Variants in FBXL17 observed in about 807,000 individuals in gnomAD.
FBXL17 encodes the protein F-box/LRR-repeat protein 17.
FBXL17 carries 22 observed loss-of-function variants against 66.2 expected under a neutral mutation model. That is an observed-to-expected ratio of 0.33 (90% CI 0.24 to 0.47). The LOEUF is 0.47. Ranked by LOEUF, FBXL17 falls within the 20% of genes least tolerant of loss-of-function variation. The pLI, the probability that FBXL17 is intolerant of heterozygous loss-of-function variation, is 1.00. For synonymous variants in FBXL17, 474 were observed against 400.5 expected (o/e 1.18, Z -2.19); for missense variants, 878 against 948.2 (o/e 0.93, Z 0.97).
chr5:108,205,871 G>A (rs1057043147), intron 5 of FBXL17, among the ~76,000 whole-genome samples: 3 of 151,966 alleles, frequency 2.0e-5, no homozygotes, highest in Non-Finnish European at 4.4e-5. Context: ...CGAGTAGATG[G>A]GATTACAGTC....
chr5:108,043,461 C>A (rs1747128524), intron 6 of FBXL17, among the ~76,000 whole-genome samples: 1 of 152,086 alleles, frequency 6.6e-6, no homozygotes, highest in African/African-American at 2.4e-5. Flanking sequence ...TCCAATTTTT[C>A]CAGCACCATT....
chr5:108,254,962 G>A (rs750889004), intron 4 of FBXL17, among the ~76,000 whole-genome samples: 3 of 152,064 alleles, frequency 2.0e-5, no homozygotes, highest in South Asian at 2.1e-4. Flanking sequence ...CTTTACATAC[G>A]TATCTACGAT....
At chr5:108,205,224 C>A (rs757337864) in intron 5 of FBXL17, among the ~76,000 whole-genome samples, 1 of 152,186 alleles carries the variant, frequency 6.6e-6, no homozygotes, top group East Asian at 1.9e-4. Flanking sequence ...AATATTTTCA[C>A]GATTTTTGTT....
chr5:108,276,667 T>G (rs1757495138), intron 4 of FBXL17, among the ~76,000 whole-genome samples: 1 of 152,124 alleles, frequency 6.6e-6, no homozygotes, highest in Non-Finnish European at 1.5e-5. Flanking sequence ...AAACAGCATA[T>G]GCCAATCCAA....
intron 6 of FBXL17, among the ~76,000 whole-genome samples, chr5:108,095,644 T>C (rs1464730998): frequency 1.3e-5 from 2 of 152,134 alleles, no homozygotes; most frequent in African/African-American, 2.4e-5. Context: ...TAGGAACATA[T>C]AATGTGTTAG....
intron 6 of FBXL17, among the ~76,000 whole-genome samples, chr5:108,083,082 A>G (rs916314095): frequency 8.5e-5 from 13 of 152,220 alleles, no homozygotes; most frequent in Admixed American, 5.9e-4. Flanking sequence ...CTGAAAAATT[A>G]TAACCCCCAA....
intron 7 of FBXL17, among the ~76,000 whole-genome samples, chr5:107,916,588 T>A (rs1455339572): frequency 5.0e-5 from 7 of 141,078 alleles, no homozygotes; most frequent in Non-Finnish European, 1.1e-4. Flanking sequence ...TTATGTTTAA[T>A]CATTTTAAAT....
chr5:108,003,815 AAGAG>A (rs1460050117), intron 7 of FBXL17, among the ~76,000 whole-genome samples: 1 of 152,116 alleles, frequency 6.6e-6, no homozygotes, highest in Non-Finnish European at 1.5e-5. Flanking sequence ...GATAAAATAA[AAGAG>A]AGATTAATAG....
intron 7 of FBXL17, among the ~76,000 whole-genome samples, chr5:107,943,119 T>C (rs1751169760): frequency 6.6e-6 from 1 of 152,188 alleles, no homozygotes; most frequent in Non-Finnish European, 1.5e-5. Flanking sequence ...GCCCAGGCTC[T>C]GTCATTGCTT....
intron 6 of FBXL17, among the ~76,000 whole-genome samples, chr5:108,054,557 T>A (rs1384814733): frequency 6.6e-6 from 1 of 152,152 alleles, no homozygotes; most frequent in Non-Finnish European, 1.5e-5. Context: ...CACAGTGGGG[T>A]TAACTGAGGT....
At chr5:108,085,593 C>T (rs1042488330) in intron 6 of FBXL17, among the ~76,000 whole-genome samples, 16 of 152,190 alleles carry the variant, frequency 1.1e-4, no homozygotes, top group Non-Finnish European at 2.2e-4. Context: ...GGGCTCAGAA[C>T]ATGACACCTC....
intron 4 of FBXL17, among the ~76,000 whole-genome samples, chr5:108,246,255 C>T (rs1246064598): frequency 6.6e-6 from 1 of 152,210 alleles, no homozygotes; most frequent in Non-Finnish European, 1.5e-5. Context: ...TATCCCAACA[C>T]TTTGGGAGGC....
intron 7 of FBXL17, among the ~76,000 whole-genome samples, chr5:107,941,593 T>C (rs946764621): frequency 6.6e-6 from 1 of 152,168 alleles, no homozygotes; most frequent in African/African-American, 2.4e-5. Context: ...TTGGGAACGT[T>C]AAATAGGTTT....
intron 5 of FBXL17, among the ~76,000 whole-genome samples, chr5:108,189,564 C>T (rs903848764): frequency 2.6e-5 from 4 of 152,072 alleles, no homozygotes; most frequent in African/African-American, 9.7e-5. Context: ...TCCCAATGGC[C>T]TATGCTCTAT....
chr5:107,931,971 A>G (rs1037399300), intron 7 of FBXL17, among the ~76,000 whole-genome samples: 1 of 152,186 alleles, frequency 6.6e-6, no homozygotes, highest in Non-Finnish European at 1.5e-5. Flanking sequence ...ATGGCTTATT[A>G]AAAGTACAGA....
intron 7 of FBXL17, among the ~76,000 whole-genome samples, chr5:107,962,234 G>C: frequency 6.6e-6 from 1 of 152,140 alleles, no homozygotes; most frequent in Admixed American, 6.6e-5. Context: ...TAAACTTTAT[G>C]TTACGTATAC....
chr5:108,274,859 A>T (rs1757421927), intron 4 of FBXL17, among the ~76,000 whole-genome samples: 1 of 152,202 alleles, frequency 6.6e-6, no homozygotes, highest in Non-Finnish European at 1.5e-5. Flanking sequence ...GTATGTTACA[A>T]CTTTTACATT....
rs1383549064 is a variant in FBXL17 at position 107,871,128 on chromosome 5, C to G, written c.1966-9268G>C. ...TACAGTAAGACAGATACTGAGAATG[C>G]AATGAACCTGACAGAGGCAGGCTCA... On this transcript the variant is annotated intron_variant, in intron 8 of 8. Transcript: ENST00000542267. Among the ~76,000 whole-genome samples, 5 of 143,332 alleles carry G rather than the reference C, an allele frequency of 3.5e-5. No individual in the cohort carries two copies. The East Asian group carries it at 1.0e-3, about 29-fold the overall frequency. 94.0% of individuals were successfully genotyped at this position (143,332 alleles called of 152,430 possible).
intron 6 of FBXL17, among the ~76,000 whole-genome samples, chr5:108,100,849 TAAG>T (rs2149940569): frequency 6.6e-6 from 1 of 152,278 alleles, no homozygotes; most frequent in African/African-American, 2.4e-5. Context: ...GAACTGCCCA[TAAG>T]AAGATCAATT....
Sources: allele counts gnomAD v4.1 joint callset (sites outside exome capture counted in the v4.1 genomes callset), GRCh38; gene constraint gnomAD v4.1.1; transcripts MANE v1.5; gene names NCBI Gene and HGNC (gene_info 2026-07-23, HGNC 2026-07-21).